Variants in GOLGA2 observed in about 807,000 individuals in gnomAD.
GOLGA2 encodes golgin subfamily A member 2.
A neutral mutation model predicts 148.8 loss-of-function variants in GOLGA2; 49 were observed. That is an observed-to-expected ratio of 0.33 (90% CI 0.26 to 0.42). The LOEUF (loss-of-function observed/expected upper bound fraction) is 0.42. Ranked by LOEUF, GOLGA2 falls within the 10% of genes least tolerant of loss-of-function variation. GOLGA2 has a pLI of 1.00. For synonymous variants in GOLGA2, 501 were observed against 511.8 expected, an observed-to-expected ratio of 0.98 and a Z score of 0.28; for missense variants, 1,178 against 1,304.6, an observed-to-expected ratio of 0.90 and a Z score of 1.49.
At chr9:128,269,693 C>G (rs796339982) in intron 3 of GOLGA2, among the ~76,000 whole-genome samples, 2 of 152,216 alleles carry the variant, frequency 1.3e-5, no homozygotes, top group Non-Finnish European at 2.9e-5. Flanking sequence ...AGCTGGCTGA[C>G]CAGCTAAGCT....
Position 128,261,710 on chromosome 9 carries a change from C to T in GOLGA2, c.1182G>A (p.Gln394=). The change falls in exon 15 of 27, where the codon CAG becomes CAA. Residue 394 remains glutamine (Q), a synonymous_variant. Coordinates refer to ENST00000611957, the MANE Select transcript of GOLGA2 (RefSeq NM_001366244.2). This position sits in a 1 kb window ranked among gnomAD's most constrained non-coding sequence, Gnocchi z 5.7. Reference sequence around the variant, plus strand: ...CCAGCTGTGCCCGCTCCTCCATGGCCTGCTGTAACTGCTGGTTAGCATCAG... The same window carrying T: ...CCAGCTGTGCCCGCTCCTCCATGGCTTGCTGTAACTGCTGGTTAGCATCAG... The part of the protein sequence containing the change: ...EAPDANQQLQ[Q]AMEERAQLEA... 1 of 1,613,440 alleles carries T rather than the reference C, an allele frequency of 6.2e-7. No individual in the cohort carries two copies. The highest frequency in any genetic ancestry group is 8.5e-7 in the Non-Finnish European group (1 of 1,179,352).
At chr9:128,268,048 A>G (rs1247838040) in intron 5 of GOLGA2, 51 bp from the exon 6 acceptor site, 1 of 1,602,026 alleles carries the variant, frequency 6.2e-7, no homozygotes, top group Non-Finnish European at 8.6e-7. Flanking sequence ...AATGGGAAAG[A>G]AGGTCATGGG....
rs912367934 is a variant in GOLGA2, at chr9:128,268,566, G to T, written c.289-42C>A. 7 of 1,060,674 alleles carry T rather than the reference G, an allele frequency of 6.6e-6. No individual in the cohort carries two copies. In the African/African-American group the frequency reaches 9.3e-5, roughly 14 times the overall value. The allele number at this position is 1,060,674 out of a possible 1,614,324, so 65.7% of individuals were successfully genotyped here. A position where few individuals can be genotyped will look rare whatever the true frequency, so the allele number is the denominator to read the frequency against. On this transcript the variant is annotated intron_variant, in intron 3 of 26. Transcript: ENST00000611957. ...CAGGGGGTTAGGGGGCCATGCGGGAGAGGTGCCTCAGTACTATGAACACAA... is the reference window on the plus strand; with the variant it reads ...CAGGGGGTTAGGGGGCCATGCGGGATAGGTGCCTCAGTACTATGAACACAA...
In GOLGA2 at chr9:128,265,694, G is replaced by A. The variant is rs762986944; in HGVS notation, c.827-3C>T. The A allele has an allele frequency of 9.3e-6, 15 of 1,613,176 alleles. No homozygotes were observed. The Admixed American group carries it at 2.3e-4, about 25-fold the overall frequency. On this transcript the variant is annotated splice_polypyrimidine_tract_variant and splice_region_variant and intron_variant, in intron 11 of 26. Coordinates refer to ENST00000611957, the MANE Select transcript of GOLGA2 (RefSeq NM_001366244.2). ...GCTGGCCAGATCTTCAGACTCTCCT[G>A]GAATGAGAGAGGTTGAGATGGGGCC...
chr9:128,268,027 G>A, intron 5 of GOLGA2, 30 bp from the exon 6 acceptor site: 1 of 1,608,186 alleles, frequency 6.2e-7, no homozygotes, highest in Non-Finnish European at 8.5e-7. Flanking sequence ...GGTCAGGGGT[G>A]CAGGTGGCTC....
chr9:128,260,313 TC>T lies in GOLGA2; in HGVS notation c.1759-125del. ...GGCAGGTTAGAAAAATCATCCCCTC[TC>T]CCCCACAGCCATCGGAGCAGGGCTC... On this transcript the variant is annotated intron_variant, in intron 18 of 26. Coordinates refer to ENST00000611957, the MANE Select transcript of GOLGA2 (RefSeq NM_001366244.2). The surrounding 1 kb of genome is among the most constrained non-coding windows in gnomAD (Gnocchi z 4.8). 9.1e-7 allele frequency: 1 copy of T among 1,099,592 alleles called. No individual in the cohort carries two copies. The highest frequency in any genetic ancestry group is 1.4e-6 in the Non-Finnish European group (1 of 727,822). The allele number at this position is 1,099,592 out of a possible 1,614,324, so 68.1% of individuals were successfully genotyped here.
At chr9:128,259,539 C>T (rs761312204) in intron 19 of GOLGA2, 148 bp from the exon 20 acceptor site, 14 of 605,864 alleles carry the variant, frequency 2.3e-5, no homozygotes, top group South Asian at 4.0e-5. Context: ...TCTAGAGCCT[C>T]GTGCCTCCTT....
At chr9:128,262,978 C>A in intron 13 of GOLGA2, 56 bp downstream of exon 13, 1 of 1,194,104 alleles carries the variant, frequency 8.4e-7, no homozygotes. Context: ...CACCTCCCAG[C>A]ACACCACCCA....
At chr9:128,275,498 T>C in intron 1 of GOLGA2, 3 of 1,300,674 alleles carry the variant, frequency 2.3e-6, no homozygotes, top group Non-Finnish European at 2.9e-6. Flanking sequence ...CGGCAGGAGG[T>C]GAGGGTCGAG....
In GOLGA2 at chr9:128,268,102, A is replaced by G. The variant is rs376635476; in HGVS notation, c.437+15T>C. ...TCTCAGCCTAGAGACTGCTGCCCCA[A>G]CAGGAGACACTCACTTGGTTTCATC... On this transcript the variant is annotated intron_variant, in intron 5 of 26. Transcript: ENST00000611957. 2.5e-6 allele frequency: 4 copies of G among 1,611,772 alleles called. No individual in the cohort carries two copies. Among genetic ancestry groups the G allele is most frequent in the African/African-American group, 1.3e-5 (1 of 74,856 alleles).
chr9:128,266,078 G>A lies in GOLGA2; in HGVS notation c.682-58C>T, dbSNP rs9722409. ...GGGGAGGCAGAGACGGCACAGCAAG[G>A]GACATGCCCCCAGAATGCCACCAAT... On this transcript the variant is annotated intron_variant, in intron 9 of 26. Transcript: ENST00000611957. The surrounding 1 kb of genome is among the most constrained non-coding windows in gnomAD (Gnocchi z 4.2). The A allele has an allele frequency of 4.0e-6, 6 of 1,481,574 alleles. No homozygotes were observed. The highest frequency in any genetic ancestry group is 5.7e-6 in the Non-Finnish European group (6 of 1,059,452). The allele number at this position is 1,481,574 out of a possible 1,614,324, so 91.8% of individuals were successfully genotyped here.
At chr9:128,274,131 T>C (rs1040247849) in intron 1 of GOLGA2, among the ~76,000 whole-genome samples, 159 bp from the exon 2 acceptor site, 1 of 152,172 alleles carries the variant, frequency 6.6e-6, no homozygotes, top group Non-Finnish European at 1.5e-5. Context: ...CTGAGAGGGA[T>C]TGATACCATG....
At chr9:128,268,787 AAGAC>A (rs1189574805) in intron 3 of GOLGA2, among the ~76,000 whole-genome samples, 2 of 152,192 alleles carry the variant, frequency 1.3e-5, no homozygotes, top group African/African-American at 4.8e-5. Context: ...AGCTCAGCAA[AAGAC>A]AGCAGCAGGC....
rs1830006398 is a variant in GOLGA2 at position 128,258,047 on chromosome 9, CCTGGGG to C, written c.2435_2440del (p.Ala812_Pro813del). On this transcript the variant is annotated inframe_deletion, in exon 23 of 27. Coordinates refer to ENST00000611957, the MANE Select transcript of GOLGA2 (RefSeq NM_001366244.2). This position sits in a 1 kb window ranked among gnomAD's most constrained non-coding sequence, Gnocchi z 6.6. ...CCCACACACAGAATCACCCCCGGTC[CCTGGGG>C]CTGGGGCTGCTGCCTCAGGCTCCTT... The C allele has an allele frequency of 1.2e-6, 2 of 1,611,916 alleles. No individual in the cohort carries two copies. Among genetic ancestry groups the C allele is most frequent in the African/African-American group, 2.7e-5 (2 of 74,864 alleles).
At position 128,257,696 on chromosome 9, in the gene GOLGA2, C is replaced by CA. The variant is rs747227197; in HGVS notation, c.2622dup (p.Ala875CysfsTer65). On this transcript the variant is annotated frameshift_variant, in exon 25 of 27. Coordinates refer to ENST00000611957, the MANE Select transcript of GOLGA2 (RefSeq NM_001366244.2). LOFTEE classifies it high-confidence loss of function. This position sits in a 1 kb window ranked among gnomAD's most constrained non-coding sequence, Gnocchi z 8.0. ...ACTGCCCTCTGGCTCTGGTACAGTG[C>CA]AATGTACTCTCCTGCGGGAGGACAG... 6.2e-7 allele frequency: 1 copy of CA among 1,614,054 alleles called. No individual in the cohort carries two copies. Among genetic ancestry groups the CA allele is most frequent in the South Asian group, 1.1e-5 (1 of 91,084 alleles).
chr9:128,257,951 T>G lies in GOLGA2; in HGVS notation c.2508+29A>C. On this transcript the variant is annotated intron_variant, in intron 23 of 26. Coordinates refer to ENST00000611957, the MANE Select transcript of GOLGA2 (RefSeq NM_001366244.2). The surrounding 1 kb of genome is among the most constrained non-coding windows in gnomAD (Gnocchi z 8.0). ...GCGACCTGCCCCGCCCCCACCCTTC[T>G]TGACCCATGCCAGGAGAGACTCATT... 9 of 1,369,876 alleles carry G rather than the reference T, an allele frequency of 6.6e-6. No individual in the cohort carries two copies. Among genetic ancestry groups the G allele is most frequent in the Non-Finnish European group, 9.3e-6 (9 of 963,892 alleles). The allele number at this position is 1,369,876 out of a possible 1,614,324, so 84.9% of individuals were successfully genotyped here.
chr9:128,263,220 C>G (rs1171926495), intron 12 of GOLGA2, 128 bp from the exon 13 acceptor site: 8 of 711,358 alleles, frequency 1.1e-5, no homozygotes, highest in Non-Finnish European at 2.1e-5. Flanking sequence ...GACATGTTTT[C>G]AAGGCATTTC....
At position 128,260,979 on chromosome 9, in the gene GOLGA2, C is replaced by G. The variant is rs577283887; in HGVS notation, c.1421-177G>C. The G allele has an allele frequency of 3.0e-5, 20 of 660,292 alleles. No homozygotes were observed. The African/African-American group carries it at 3.5e-4, about 11-fold the overall frequency. The allele number at this position is 660,292 out of a possible 1,614,324, so 40.9% of individuals were successfully genotyped here. The stretch of plus-strand genomic sequence containing the variant: ...AGCGACAACTGTGGGTGGCTGACAA[C>G]GGGCACTCCTTCGTCTTTGCTGATG... On this transcript the variant is annotated intron_variant, in intron 17 of 26. Transcript: ENST00000611957. The surrounding 1 kb of genome is among the most constrained non-coding windows in gnomAD (Gnocchi z 4.8).
Position 128,260,091 on chromosome 9 carries a change from G to C in GOLGA2, c.1857C>G (p.Ser619Arg). The C allele has an allele frequency of 1.9e-6, 3 of 1,608,780 alleles. No homozygotes were observed. The highest frequency in any genetic ancestry group is 2.5e-6 in the Non-Finnish European group (3 of 1,178,428). The change falls in exon 19 of 27, where the codon AGC (serine) becomes AGG (arginine). Residue 619 changes from serine (S) to arginine (R), a missense_variant. This residue lies in a region of GOLGA2 where 529 missense variants were observed against 521.8 expected (regional missense o/e 1.01). Coordinates refer to ENST00000611957, the MANE Select transcript of GOLGA2 (RefSeq NM_001366244.2). This position sits in a 1 kb window ranked among gnomAD's most constrained non-coding sequence, Gnocchi z 4.8. Reference protein sequence around the residue: ...KKLGELQEKLSELKETVELKS... With the variant: ...KKLGELQEKLRELKETVELKS... ...GCGGGGTTACCGTTTCCTTCAGCTC[G>C]CTCAGCTTCTCCTGCAGCTCGCCCA...
Sources: gnomAD v4.1 joint callset for allele counts (sites outside exome capture counted in the v4.1 genomes callset) on GRCh38, gnomAD v4.1.1 for gene constraint, gnomAD v4.1.1 regional missense constraint, Gnocchi (gnomAD v3.1) non-coding constraint, MANE v1.5 for transcripts, NCBI Gene and HGNC (gene_info 2026-07-23, HGNC 2026-07-21) for gene names.